The following ZCWPW2 variants were observed in gnomAD, a reference collection of about 807,000 sequenced individuals.
ZCWPW2 encodes the protein zinc finger CW-type PWWP domain protein 2.
Under a neutral mutation model 46.6 loss-of-function variants are expected in ZCWPW2, and 45 were observed. The ratio of observed to expected loss-of-function variants is 0.96; its 90% CI spans 0.76 to 1.24. ZCWPW2 has a LOEUF of 1.24. ZCWPW2 is among the 50% of genes most tolerant of loss of function. The probability of loss-of-function intolerance (pLI) is 0.00; values close to 1 mark genes in which losing one functional copy is unlikely to be tolerated. For synonymous variants in ZCWPW2, 152 were observed against 137.1 expected (o/e 1.11, Z -0.76); for missense variants, 429 against 403.9 (o/e 1.06, Z -0.53).
chr3:28,455,219 A>G (rs1698380818), intron 4 of ZCWPW2, among the ~76,000 whole-genome samples: 1 of 151,944 alleles, frequency 6.6e-6, no homozygotes, highest in African/African-American at 2.4e-5. Flanking sequence ...TTTGATTTGT[A>G]TTTTTCTAAT....
At chr3:28,371,273 G>A (rs565373256) in intron 1 of ZCWPW2, among the ~76,000 whole-genome samples, 1 of 152,104 alleles carries the variant, frequency 6.6e-6, no homozygotes, top group Non-Finnish European at 1.5e-5. Flanking sequence ...AAATGGTAAG[G>A]AAATCTTTAT....
intron 1 of ZCWPW2, among the ~76,000 whole-genome samples, chr3:28,385,572 T>G (rs903166164): frequency 6.6e-6 from 1 of 152,190 alleles, no homozygotes; most frequent in Non-Finnish European, 1.5e-5. Flanking sequence ...ACCATATCAG[T>G]ACACATGATT....
At chr3:28,503,588 G>A (rs1209396593) in intron 6 of ZCWPW2, among the ~76,000 whole-genome samples, 1 of 151,916 alleles carries the variant, frequency 6.6e-6, no homozygotes, top group Non-Finnish European at 1.5e-5. Context: ...ATAGATTGTA[G>A]CAATTACACT....
chr3:28,518,212 T>C (rs1700629716), intron 8 of ZCWPW2, among the ~76,000 whole-genome samples: 1 of 151,352 alleles, frequency 6.6e-6, no homozygotes, highest in Admixed American at 6.6e-5. Flanking sequence ...TTTCTTTTTT[T>C]TTTTTTTTAA....
At chr3:28,392,576 C>T (rs1026821377) in intron 2 of ZCWPW2, among the ~76,000 whole-genome samples, 1 of 152,134 alleles carries the variant, frequency 6.6e-6, no homozygotes, top group East Asian at 1.9e-4. Context: ...GGCCATAAAA[C>T]GAGTCTTAAC....
At chr3:28,490,616 A>G (rs1201504845) in intron 5 of ZCWPW2, among the ~76,000 whole-genome samples, 2 of 152,100 alleles carry the variant, frequency 1.3e-5, no homozygotes, top group Non-Finnish European at 2.9e-5. Flanking sequence ...AGAACTAAAC[A>G]TTGAGTACAT....
At chr3:28,503,658 G>A (rs115235963) in intron 6 of ZCWPW2, among the ~76,000 whole-genome samples, 18 of 151,838 alleles carry the variant, frequency 1.2e-4, no homozygotes, top group African/African-American at 4.3e-4. Context: ...CTTGCAAAGG[G>A]GAGAGATATC....
intron 5 of ZCWPW2, among the ~76,000 whole-genome samples, chr3:28,485,338 G>A (rs1244993246): frequency 3.3e-5 from 5 of 151,896 alleles, no homozygotes; most frequent in African/African-American, 4.8e-5. Flanking sequence ...TTTTTTCTGA[G>A]TGTTTCATGT....
intron 2 of ZCWPW2, among the ~76,000 whole-genome samples, chr3:28,406,895 A>G (rs144832644): frequency 1.2e-3 from 173 of 146,854 alleles, no homozygotes; most frequent in South Asian, 2.8e-3. Context: ...TGGCATCATC[A>G]TAGCTCACTG....
At chr3:28,520,925 A>G (rs1162023916) in intron 8 of ZCWPW2, 67 bp from the exon 9 acceptor site, 3 of 1,572,676 alleles carry the variant, frequency 1.9e-6, no homozygotes, top group Admixed American at 1.8e-5. Context: ...CTGGGTAGTT[A>G]AGATTATGAA....
intron 1 of ZCWPW2, among the ~76,000 whole-genome samples, chr3:28,352,513 G>A (rs1315717492): frequency 6.6e-6 from 1 of 152,158 alleles, no homozygotes. Flanking sequence ...GTGGTGTTTA[G>A]AAAGTAAATG....
intron 1 of ZCWPW2, among the ~76,000 whole-genome samples, chr3:28,385,460 T>G (rs1695235382): frequency 6.6e-6 from 1 of 152,226 alleles, no homozygotes; most frequent in African/African-American, 2.4e-5. Context: ...CCAGCACTAT[T>G]CTGAAAGCAT....
intron 1 of ZCWPW2, among the ~76,000 whole-genome samples, chr3:28,381,333 T>TTCTTA (rs1266780272): frequency 2.6e-5 from 4 of 151,750 alleles, no homozygotes; most frequent in Non-Finnish European, 5.9e-5. Context: ...GTATACTGTA[T>TTCTTA]TCTTACAATA....
Position 28,502,855 on chromosome 3 carries a change from T to C in ZCWPW2, c.657+10682T>C, listed in dbSNP as rs139370823. Among the ~76,000 whole-genome samples, 404 of 152,224 alleles carry C rather than the reference T, an allele frequency of 2.7e-3. 2 individuals are homozygous for C. Among genetic ancestry groups the C allele is most frequent in the Admixed American group, 2.9e-3 (45 of 15,272 alleles). ...CAGTGAGCGGTTTGTCTGAGAAAATTCAGAGTTTAATTATGCAAATCTGGT... is the reference window on the plus strand; with the variant it reads ...CAGTGAGCGGTTTGTCTGAGAAAATCCAGAGTTTAATTATGCAAATCTGGT... On this transcript the variant is annotated intron_variant, in intron 6 of 9. Transcript: ENST00000383768.
intron 2 of ZCWPW2, among the ~76,000 whole-genome samples, chr3:28,410,616 A>G (rs1691680592): frequency 6.6e-6 from 1 of 152,036 alleles, no homozygotes; most frequent in South Asian, 2.1e-4. Context: ...GTAAAAGATG[A>G]ATAGAAACCT....
At chr3:28,473,939 A>G (rs967133987) in intron 4 of ZCWPW2, among the ~76,000 whole-genome samples, 6 of 152,164 alleles carry the variant, frequency 3.9e-5, no homozygotes, top group Non-Finnish European at 7.3e-5. Flanking sequence ...GAAAGAATGA[A>G]TAAGACCTAG....
At chr3:28,395,642 A>G (rs915373987) in intron 2 of ZCWPW2, among the ~76,000 whole-genome samples, 2 of 152,282 alleles carry the variant, frequency 1.3e-5, no homozygotes, top group South Asian at 2.1e-4. Context: ...GCTAAGTGAA[A>G]TAAGCCAGAC....
At chr3:28,349,286 G>A in intron 1 of ZCWPW2, 83 bp downstream of exon 1, 2 of 853,674 alleles carry the variant, frequency 2.3e-6, no homozygotes, top group Non-Finnish European at 2.8e-6. Flanking sequence ...TTCACTCAGT[G>A]TCCTTTTGGG....
At chr3:28,491,969 A>C (rs1164339411) in intron 5 of ZCWPW2, among the ~76,000 whole-genome samples, 158 bp from the exon 6 acceptor site, 2 of 152,160 alleles carry the variant, frequency 1.3e-5, no homozygotes, top group East Asian at 3.9e-4. Flanking sequence ...AACAATGGAC[A>C]GCTCAGTTTA....
Sources: allele counts gnomAD v4.1 joint callset (sites outside exome capture counted in the v4.1 genomes callset), GRCh38; gene constraint gnomAD v4.1.1; transcripts MANE v1.5; gene names NCBI Gene and HGNC (gene_info 2026-07-23, HGNC 2026-07-21).